The following OGDH variants were observed in gnomAD, a reference collection of about 807,000 sequenced individuals.
The protein encoded by OGDH is 2-oxoglutarate dehydrogenase complex component E1.
In OGDH, 38 loss-of-function variants were observed where a neutral mutation model predicts 116.6. The observed-to-expected ratio is 0.33, with a 90% CI of 0.25 to 0.43. The LOEUF is 0.43. Among genes scored for constraint, OGDH ranks in the 20% least tolerant of loss-of-function variants. OGDH has a pLI of 1.00. For synonymous variants in OGDH, 488 were observed against 533.3 expected (o/e 0.92, Z 1.17); for missense variants, 825 against 1,357.2 (o/e 0.61, Z 6.16).
chr7:44,617,208 C>T (rs1470127005), intron 1 of OGDH, among the ~76,000 whole-genome samples: 3 of 151,930 alleles, frequency 2.0e-5, no homozygotes, highest in African/African-American at 7.3e-5. Flanking sequence ...GCTGGGATTA[C>T]AGGCATGAAC....
intron 20 of OGDH, among the ~76,000 whole-genome samples, chr7:44,705,075 C>T (rs1294054051): frequency 2.6e-5 from 2 of 75,532 alleles, no homozygotes; most frequent in Non-Finnish European, 4.0e-5. Flanking sequence ...TTTTTTGAGA[C>T]GGAGTCTCGC....
At position 44,689,392 on chromosome 7, in the gene OGDH, CTTTTTTTTTTTT is replaced by C. The variant is rs561058807; in HGVS notation, c.1336-4418_1336-4407del. 2.2e-3 allele frequency among the ~76,000 whole-genome samples: 155 copies of C among 71,268 alleles called. 2 individuals carry two copies. The highest frequency in any genetic ancestry group is 7.6e-3 in the African/African-American group (130 of 17,088). The allele number at this position is 71,268 out of a possible 152,430, so 46.8% of individuals were successfully genotyped here. A position where few individuals can be genotyped will look rare whatever the true frequency, so the allele number is the denominator to read the frequency against. On this transcript the variant is annotated intron_variant, in intron 10 of 22. Transcript: ENST00000222673. ...CACCACTCCCAGCTAATTTTTTTTTCTTTTTTTTTTTTTTTTTTTTTTTTTTGGTAGCAACAG... is the reference window on the plus strand; with the variant it reads ...CACCACTCCCAGCTAATTTTTTTTTCTTTTTTTTTTTTTTGGTAGCAACAG...
chr7:44,640,038 G>A (rs371649076), intron 2 of OGDH, among the ~76,000 whole-genome samples: 9 of 152,188 alleles, frequency 5.9e-5, no homozygotes, highest in Admixed American at 2.0e-4. Flanking sequence ...GATCATGATC[G>A]CCCTGTCTCC....
intron 10 of OGDH, among the ~76,000 whole-genome samples, chr7:44,690,060 C>T (rs997301101): frequency 6.6e-6 from 1 of 152,110 alleles, no homozygotes; most frequent in Non-Finnish European, 1.5e-5. Flanking sequence ...AAAGGAGTCC[C>T]GCTTCATTCT....
At chr7:44,633,102 A>C (rs1785512917) in intron 2 of OGDH, among the ~76,000 whole-genome samples, 1 of 151,436 alleles carries the variant, frequency 6.6e-6, no homozygotes, top group African/African-American at 2.4e-5. Flanking sequence ...AAATACAAAA[A>C]ATTAGCCGGG....
At chr7:44,607,010 G>T (rs1314251499) in intron 1 of OGDH, among the ~76,000 whole-genome samples, 2 of 152,196 alleles carry the variant, frequency 1.3e-5, no homozygotes, top group African/African-American at 4.8e-5. Context: ...GCGTCCGCAG[G>T]GGTGACCCCC....
At chr7:44,701,729 C>T in intron 20 of OGDH, 114 bp downstream of exon 20, 1 of 1,082,126 alleles carries the variant, frequency 9.2e-7, no homozygotes, top group Non-Finnish European at 1.4e-6. Flanking sequence ...TGGCTCTTGC[C>T]AGATTTTTGG....
intron 12 of OGDH, 139 bp from the exon 13 acceptor site, chr7:44,695,886 T>C (rs749133993): frequency 8.6e-5 from 53 of 619,476 alleles, no homozygotes; most frequent in Non-Finnish European, 1.3e-4. Flanking sequence ...TGTGGGACTA[T>C]GGGTGGGCAT....
intron 4 of OGDH, among the ~76,000 whole-genome samples, chr7:44,662,519 G>GT (rs1446082621): frequency 7.4e-5 from 11 of 148,512 alleles, no homozygotes; most frequent in African/African-American, 2.5e-4. Context: ...TTGGAGTGCA[G>GT]TGGTGCAATC....
chr7:44,656,404 C>T lies in OGDH; in HGVS notation c.517+8645C>T, dbSNP rs1159607492. 4 of 1,518,856 alleles carry T rather than the reference C, an allele frequency of 2.6e-6. No homozygotes were observed. The Admixed American group carries it at 7.9e-5, about 30-fold the overall frequency. 94.1% of individuals were successfully genotyped at this position (1,518,856 alleles called of 1,614,324 possible). Reference sequence around the variant, plus strand: ...CTTTTCACCTTTTCAGAGTTGAGGACTTCATTTGAATAGGATGTGCAACTT... The same window carrying T: ...CTTTTCACCTTTTCAGAGTTGAGGATTTCATTTGAATAGGATGTGCAACTT... On this transcript the variant is annotated intron_variant, in intron 4 of 22. Coordinates refer to ENST00000222673, the MANE Select transcript of OGDH (RefSeq NM_002541.4).
chr7:44,614,488 C>G (rs563775807), intron 1 of OGDH, among the ~76,000 whole-genome samples: 1 of 152,114 alleles, frequency 6.6e-6, no homozygotes, highest in African/African-American at 2.4e-5. Flanking sequence ...ATCAGGGACT[C>G]CAATGACATT....
At chr7:44,611,537 A>G (rs531428456) in intron 1 of OGDH, among the ~76,000 whole-genome samples, 140 of 151,856 alleles carry the variant, frequency 9.2e-4, no homozygotes, top group African/African-American at 3.2e-3. Context: ...CGGCCTCCCA[A>G]AGTGCTGGGA....
In OGDH at chr7:44,697,713, C is replaced by T; in HGVS notation, c.2289C>T (p.Cys763=). 6.2e-7 allele frequency: 1 copy of T among 1,614,264 alleles called. No homozygotes were observed. Among genetic ancestry groups the T allele is most frequent in the East Asian group, 2.2e-5 (1 of 44,894 alleles). The change falls in exon 17 of 23, where the codon TGC becomes TGT. Residue 763 remains cysteine, a synonymous_variant. Coordinates refer to ENST00000222673, the MANE Select transcript of OGDH (RefSeq NM_002541.4). The surrounding 1 kb of genome is among the most constrained non-coding windows in gnomAD (Gnocchi z 6.0). ...AGTGTATCATCGACCAGTTCATCTG[C>T]CCGGGACAAGCCAAGTGGGTGCGGC... ...TAQCIIDQFI[C]PGQAKWVRQN...
intron 4 of OGDH, among the ~76,000 whole-genome samples, chr7:44,662,152 G>T (rs1205692250): frequency 6.6e-6 from 1 of 152,148 alleles, no homozygotes; most frequent in Non-Finnish European, 1.5e-5. Flanking sequence ...ACATAATTTA[G>T]AAGACCCAAG....
intron 7 of OGDH, among the ~76,000 whole-genome samples, 161 bp from the exon 8 acceptor site, chr7:44,675,017 C>T (rs1039074366): frequency 6.6e-6 from 1 of 151,408 alleles, no homozygotes; most frequent in African/African-American, 2.4e-5. Context: ...CGGAGAGGCT[C>T]GGTTCCCACA....
At position 44,669,145 on chromosome 7, in the gene OGDH, CTTTTTTT is replaced by C. The variant is rs869250474; in HGVS notation, c.633+2313_633+2319del. On this transcript the variant is annotated intron_variant, in intron 5 of 22. Transcript: ENST00000222673. Reference sequence around the variant, plus strand: ...GAGTCCCCTGTGGGGAGCCCGGCAGCTTTTTTTTTTTTTTTTTTTTTTTTTGAGACAG... The same window carrying C: ...GAGTCCCCTGTGGGGAGCCCGGCAGCTTTTTTTTTTTTTTTTTTGAGACAG... 1.2e-4 allele frequency among the ~76,000 whole-genome samples: 9 copies of C among 77,804 alleles called. No homozygotes were observed. The East Asian group carries it at 1.6e-3, about 14-fold the overall frequency. The allele number at this position is 77,804 out of a possible 152,430, so 51.0% of individuals were successfully genotyped here. A position where few individuals can be genotyped will look rare whatever the true frequency, so the allele number is the denominator to read the frequency against.
chr7:44,677,312 G>C (rs764976534), intron 9 of OGDH, among the ~76,000 whole-genome samples: 43 of 152,186 alleles, frequency 2.8e-4, no homozygotes, highest in Non-Finnish European at 5.7e-4. Context: ...TAGGAAACTG[G>C]AGTTAGCCGT....
In OGDH at chr7:44,700,077, C is replaced by T. The variant is rs371257311; in HGVS notation, c.2431-64C>T. The T allele has an allele frequency of 1.4e-4, 221 of 1,568,594 alleles. No individual in the cohort carries two copies. The African/African-American group carries it at 2.6e-3, about 19-fold the overall frequency. On this transcript the variant is annotated intron_variant, in intron 18 of 22. Transcript: ENST00000222673. The stretch of plus-strand genomic sequence containing the variant: ...ATCCAAACTAGATCACCTGAGGGCC[C>T]CCACATGCCCCAGAAGACTCAGTGC...
intron 2 of OGDH, among the ~76,000 whole-genome samples, chr7:44,632,521 C>G (rs540478771): frequency 1.1e-3 from 167 of 152,306 alleles, no homozygotes; most frequent in African/African-American, 3.7e-3. Context: ...CCAGGCTGGT[C>G]TCAAACTCCT....
Sources: allele counts gnomAD v4.1 joint callset (sites outside exome capture counted in the v4.1 genomes callset), GRCh38; gene constraint gnomAD v4.1.1; non-coding constraint Gnocchi (gnomAD v3.1); transcripts MANE v1.5; gene names NCBI Gene and HGNC (gene_info 2026-07-23, HGNC 2026-07-21).